Variants in SNX29 observed in about 807,000 individuals in gnomAD.
SNX29 encodes the protein sorting nexin 29, also known as sorting nexin-29.
A neutral mutation model predicts 102.1 loss-of-function variants in SNX29; 78 were observed. That is an observed-to-expected ratio of 0.76 (90% CI 0.64 to 0.92). The LOEUF (loss-of-function observed/expected upper bound fraction) is 0.92. SNX29 is among the 40% of genes least tolerant of loss of function. The probability of loss-of-function intolerance (pLI) is 0.00; values close to 1 mark genes in which losing one functional copy is unlikely to be tolerated. For missense variants in SNX29, 1,280 were observed against 1,061.7 expected (o/e 1.21, Z -2.86); for synonymous variants, 580 against 414.5 (o/e 1.40, Z -4.85).
At chr16:12,218,964 CG>C (rs1272306167) in intron 14 of SNX29, among the ~76,000 whole-genome samples, 2 of 152,086 alleles carry the variant, frequency 1.3e-5, no homozygotes, top group South Asian at 2.1e-4. Flanking sequence ...TTAGTAGAGA[CG>C]GGGTTTCACT....
In SNX29 at chr16:12,080,693, T is replaced by C. The variant is rs2051825205; in HGVS notation, c.1402+1778T>C. On this transcript the variant is annotated intron_variant, in intron 11 of 20. Coordinates refer to ENST00000566228, the MANE Select transcript of SNX29 (RefSeq NM_032167.5). ...CCGTGCCCGGCCTACTACAGTTTAC[T>C]TTTTTTTTTTTTTTTGAGACAGAGT... Among the ~76,000 whole-genome samples the C allele has an allele frequency of 4.9e-5, 4 of 81,592 alleles. No individual in the cohort carries two copies. The South Asian group carries it at 1.5e-3, about 30-fold the overall frequency. The allele number at this position is 81,592 out of a possible 152,430, so 53.5% of individuals were successfully genotyped here.
intron 19 of SNX29, among the ~76,000 whole-genome samples, chr16:12,520,369 G>C (rs1025901454): frequency 3.3e-5 from 5 of 152,202 alleles, no homozygotes; most frequent in African/African-American, 1.2e-4. Flanking sequence ...TATTTGGAAG[G>C]CTGAAAGTTG....
At chr16:12,553,475 C>G (rs1054533442) in intron 20 of SNX29, among the ~76,000 whole-genome samples, 2 of 152,154 alleles carry the variant, frequency 1.3e-5, no homozygotes, top group African/African-American at 4.8e-5. Flanking sequence ...CCAGCCCCAG[C>G]TGCTTAGACC....
intron 20 of SNX29, chr16:12,527,376 A>G (rs1220705332): frequency 1.2e-5 from 6 of 502,010 alleles, no homozygotes; most frequent in South Asian, 3.2e-5. Context: ...AAAAATAAAA[A>G]TCTCCTGCCT....
At position 12,570,978 on chromosome 16, in the gene SNX29, T is replaced by TCC. The variant is rs562686228; in HGVS notation, c.*2353_*2354dup. The TCC allele has an allele frequency of 4.7e-5, 11 of 231,940 alleles. No homozygotes were observed. The South Asian group carries it at 5.4e-4, about 11-fold the overall frequency. The allele number at this position is 231,940 out of a possible 1,614,324, so 14.4% of individuals were successfully genotyped here. ...TCCCCAGCTGCCTGCTCCTGGTACC[T>TCC]CCCCCATGATCATGCACAGACCGTA... On this transcript the variant is annotated 3_prime_UTR_variant, in exon 21 of 21. Transcript: ENST00000566228.
At chr16:12,069,384 G>T (rs1773942367) in intron 10 of SNX29, among the ~76,000 whole-genome samples, 1 of 151,836 alleles carries the variant, frequency 6.6e-6, no homozygotes, top group Non-Finnish European at 1.5e-5. Context: ...TCTTGCCTGA[G>T]CCTCCCAAGT....
chr16:12,118,563 A>G (rs1460860029), intron 11 of SNX29, among the ~76,000 whole-genome samples: 1 of 151,688 alleles, frequency 6.6e-6, no homozygotes, highest in Non-Finnish European at 1.5e-5. Flanking sequence ...TGATCCGCCC[A>G]CCTCGGCCTC....
chr16:12,529,475 A>G (rs1473431529), intron 20 of SNX29, among the ~76,000 whole-genome samples: 1 of 152,202 alleles, frequency 6.6e-6, no homozygotes, highest in Non-Finnish European at 1.5e-5. Flanking sequence ...TGACAGCTTC[A>G]GTGATTTGCC....
At chr16:12,009,225 A>C (rs2056562874) in intron 3 of SNX29, among the ~76,000 whole-genome samples, 1 of 152,150 alleles carries the variant, frequency 6.6e-6, no homozygotes, top group South Asian at 2.1e-4. Context: ...ACACCGAAAA[A>C]AAGCTGCCAA....
At chr16:12,529,471 C>T (rs529807514) in intron 20 of SNX29, among the ~76,000 whole-genome samples, 1 of 152,314 alleles carries the variant, frequency 6.6e-6, no homozygotes, top group African/African-American at 2.4e-5. Flanking sequence ...TCGGTGACAG[C>T]TTCAGTGATT....
chr16:12,415,644 C>G (rs1319929702), intron 18 of SNX29, among the ~76,000 whole-genome samples: 1 of 152,152 alleles, frequency 6.6e-6, no homozygotes, highest in Non-Finnish European at 1.5e-5. Context: ...TGGGGCTGGT[C>G]TAGGATGTTA....
intron 18 of SNX29, among the ~76,000 whole-genome samples, chr16:12,453,704 T>A (rs1351053033): frequency 6.6e-6 from 1 of 152,226 alleles, no homozygotes; most frequent in African/African-American, 2.4e-5. Context: ...CTTTTCTTGC[T>A]TTTTGCATAA....
chr16:12,137,062 A>T (rs181583778), intron 13 of SNX29, among the ~76,000 whole-genome samples: 1 of 152,266 alleles, frequency 6.6e-6, no homozygotes, highest in East Asian at 1.9e-4. Context: ...TTTAGCGGGC[A>T]TGTTATGGCT....
intron 13 of SNX29, among the ~76,000 whole-genome samples, chr16:12,133,639 A>G (rs539887147): frequency 1.3e-5 from 2 of 152,160 alleles, no homozygotes; most frequent in Non-Finnish European, 2.9e-5. Flanking sequence ...TACCTCATAG[A>G]GTTTTGTTGA....
At chr16:12,207,959 A>G (rs930401198) in intron 14 of SNX29, among the ~76,000 whole-genome samples, 2 of 152,284 alleles carry the variant, frequency 1.3e-5, no homozygotes, top group African/African-American at 2.4e-5. Context: ...TCAAGTACAC[A>G]ACAGGTGCTT....
intron 13 of SNX29, among the ~76,000 whole-genome samples, chr16:12,192,900 C>T (rs1048677571): frequency 2.6e-5 from 4 of 152,156 alleles, no homozygotes; most frequent in Non-Finnish European, 5.9e-5. Context: ...CAGGGTTTCA[C>T]CATGTTGGCC....
intron 13 of SNX29, among the ~76,000 whole-genome samples, chr16:12,194,927 TG>T (rs2076736048): frequency 6.6e-6 from 1 of 152,166 alleles, no homozygotes; most frequent in Admixed American, 6.5e-5. Flanking sequence ...GCATCTGGCC[TG>T]GGGGTATTTC....
intron 19 of SNX29, among the ~76,000 whole-genome samples, chr16:12,523,079 T>C (rs1022231616): frequency 1.3e-5 from 2 of 152,164 alleles, no homozygotes; most frequent in African/African-American, 2.4e-5. Context: ...CCTAAGGTGC[T>C]GGGATTAAAG....
At chr16:12,165,244 T>A (rs2055968818) in intron 13 of SNX29, among the ~76,000 whole-genome samples, 2 of 152,256 alleles carry the variant, frequency 1.3e-5, no homozygotes, top group African/African-American at 4.8e-5. Flanking sequence ...TGCGTAATTG[T>A]CCTGAAGAAG....
Sources: allele counts gnomAD v4.1 joint callset (sites outside exome capture counted in the v4.1 genomes callset), GRCh38; gene constraint gnomAD v4.1.1; transcripts MANE v1.5; gene names NCBI Gene and HGNC (gene_info 2026-07-23, HGNC 2026-07-21).